Variants in IL1RAPL1 observed in about 807,000 individuals in gnomAD.
IL1RAPL1 encodes the protein interleukin 1 receptor accessory protein like 1, also known as interleukin-1 receptor accessory protein-like 1.
In IL1RAPL1, 3 loss-of-function variants were observed where a neutral mutation model predicts 48.4. That is an observed-to-expected ratio of 0.06 (90% confidence interval 0.03 to 0.16). IL1RAPL1 has a LOEUF of 0.16. Ranked by LOEUF, IL1RAPL1 falls within the 10% of genes least tolerant of loss-of-function variation. IL1RAPL1 has a pLI of 1.00. For synonymous variants in IL1RAPL1, 185 were observed against 187.7 expected (o/e 0.99, Z 0.12); for missense variants, 349 against 530.6 (o/e 0.66, Z 3.36).
chrX:28,884,158 T>G (rs1922573943), intron 2 of IL1RAPL1, among the ~76,000 whole-genome samples: 1 of 111,728 alleles, frequency 9.0e-6, no homozygotes, highest in Non-Finnish European at 1.9e-5. Context: ...ACATGTACCC[T>G]AAAACTTAAA....
intron 6 of IL1RAPL1, among the ~76,000 whole-genome samples, chrX:29,752,345 A>AATT (rs1928502908): frequency 9.4e-6 from 1 of 106,810 alleles, no homozygotes. Context: ...AAAATACAAA[A>AATT]ATTAGTCAGG....
chrX:29,044,246 A>G (rs1435183331), intron 2 of IL1RAPL1, among the ~76,000 whole-genome samples: 2 of 110,561 alleles, frequency 1.8e-5, no homozygotes, highest in East Asian at 5.7e-4. Context: ...AGCCTGGCCA[A>G]CACGGTGAAA....
chrX:29,587,975 A>G (rs192891229), intron 5 of IL1RAPL1, among the ~76,000 whole-genome samples: 2 of 112,451 alleles, frequency 1.8e-5, no homozygotes, highest in African/African-American at 6.5e-5. Context: ...CAGTGCTACT[A>G]TTTGGCTCCA....
intron 5 of IL1RAPL1, among the ~76,000 whole-genome samples, chrX:29,461,399 T>C (rs1460845967): frequency 3.6e-5 from 4 of 111,774 alleles, no homozygotes; most frequent in Non-Finnish European, 7.5e-5. Context: ...AAATATACTA[T>C]GGATATACTA....
intron 6 of IL1RAPL1, among the ~76,000 whole-genome samples, chrX:29,876,275 C>T (rs1379577349): frequency 9.0e-6 from 1 of 111,704 alleles, no homozygotes; most frequent in African/African-American, 3.3e-5. Context: ...TAGTATATGC[C>T]AACCTCAGAG....
At chrX:28,755,056 C>T (rs1248860744) in intron 1 of IL1RAPL1, among the ~76,000 whole-genome samples, 5 of 111,530 alleles carry the variant, frequency 4.5e-5, no homozygotes, top group Non-Finnish European at 9.4e-5. Context: ...TGCAACGGCA[C>T]GATCTTGGCT....
At chrX:29,903,163 T>A (rs1932529217) in intron 6 of IL1RAPL1, among the ~76,000 whole-genome samples, 1 of 96,580 alleles carries the variant, frequency 1.0e-5, no homozygotes, top group Admixed American at 1.3e-4. Context: ...TGTCTCCGTG[T>A]GTGTGTGTGT....
intron 5 of IL1RAPL1, among the ~76,000 whole-genome samples, chrX:29,658,849 A>G (rs1450234188): frequency 4.5e-5 from 5 of 111,916 alleles, no homozygotes; most frequent in Non-Finnish European, 9.4e-5. Context: ...TCTTCTAGCT[A>G]TTATGATATA....
intron 1 of IL1RAPL1, among the ~76,000 whole-genome samples, chrX:28,730,400 A>C (rs925540237): frequency 5.4e-5 from 6 of 111,641 alleles, no homozygotes; most frequent in African/African-American, 2.0e-4. Context: ...AGTATATATC[A>C]GTTATGTATT....
chrX:29,244,359 A>G (rs181632233), intron 2 of IL1RAPL1, among the ~76,000 whole-genome samples: 2 of 112,421 alleles, frequency 1.8e-5, no homozygotes, highest in Non-Finnish European at 1.9e-5. Context: ...TGAACAAAGT[A>G]ACTATTTGGA....
chrX:29,680,477 C>G (rs1926418601), intron 6 of IL1RAPL1, among the ~76,000 whole-genome samples: 1 of 110,820 alleles, frequency 9.0e-6, no homozygotes. Flanking sequence ...GGCATTGGCT[C>G]AGTGGCTGTT....
chrX:28,759,321 A>G (rs1168205488), intron 1 of IL1RAPL1, among the ~76,000 whole-genome samples: 1 of 111,146 alleles, frequency 9.0e-6, no homozygotes, highest in Non-Finnish European at 1.9e-5. Context: ...ACAGAGATTC[A>G]TTAGCACCTC....
At chrX:29,203,137 G>A (rs771449302) in intron 2 of IL1RAPL1, among the ~76,000 whole-genome samples, 10 of 111,551 alleles carry the variant, frequency 9.0e-5, no homozygotes, top group African/African-American at 2.3e-4. Flanking sequence ...GAAAAGTACC[G>A]AATGGCACTG....
intron 5 of IL1RAPL1, among the ~76,000 whole-genome samples, chrX:29,668,086 GA>G (rs1230492789): frequency 2.7e-5 from 3 of 111,689 alleles, no homozygotes; most frequent in Non-Finnish European, 5.7e-5. Context: ...AATTAACACA[GA>G]AAAAAATGCA....
chrX:28,610,613 A>AT (rs1266252338), intron 1 of IL1RAPL1, among the ~76,000 whole-genome samples: 3 of 111,691 alleles, frequency 2.7e-5, no homozygotes, highest in Non-Finnish European at 3.8e-5. Context: ...GAACACCAAT[A>AT]TTTTTTTACC....
chrX:29,355,133 C>T (rs1933284733), intron 3 of IL1RAPL1, among the ~76,000 whole-genome samples: 1 of 111,964 alleles, frequency 8.9e-6, no homozygotes, highest in Non-Finnish European at 1.9e-5. Flanking sequence ...GACACCCTTA[C>T]AAATGAAAAT....
At chrX:29,847,047 A>G (rs746305850) in intron 6 of IL1RAPL1, among the ~76,000 whole-genome samples, 124 of 111,416 alleles carry the variant, frequency 1.1e-3, no homozygotes, top group South Asian at 6.4e-3. Context: ...CTGAATCTTG[A>G]TTTTGAAATC....
chrX:29,143,461 T>A (rs1929285389), intron 2 of IL1RAPL1, among the ~76,000 whole-genome samples: 1 of 111,880 alleles, frequency 8.9e-6, no homozygotes, highest in Admixed American at 9.4e-5. Context: ...TTCAAAAACA[T>A]TAAACAGAAA....
chrX:29,926,564 C>T (rs992509241), intron 8 of IL1RAPL1, among the ~76,000 whole-genome samples: 6 of 112,104 alleles, frequency 5.4e-5, no homozygotes, highest in Non-Finnish European at 1.1e-4. Context: ...GTACCAAACC[C>T]ACTTAGTAAA....
Sources: allele counts gnomAD v4.1 joint callset (sites outside exome capture counted in the v4.1 genomes callset), GRCh38; gene constraint gnomAD v4.1.1; transcripts MANE v1.5; gene names NCBI Gene and HGNC (gene_info 2026-07-23, HGNC 2026-07-21).